Variants in PLS3 observed in about 807,000 individuals in gnomAD.
PLS3 encodes the protein plastin 3, also known as plastin-3.
In PLS3, 11 loss-of-function variants were observed where a neutral mutation model predicts 46.5. That is an observed-to-expected ratio of 0.24 (90% CI 0.15 to 0.39). PLS3 has a LOEUF of 0.39. Among genes scored for constraint, PLS3 ranks in the 10% least tolerant of loss-of-function variants. The pLI is 1.00. For synonymous variants in PLS3, 167 were observed against 162.2 expected (o/e 1.03, Z -0.22); for missense variants, 308 against 461.8 (o/e 0.67, Z 3.05).
At chrX:115,647,871 A>G (rs1556641975) in intron 14 of PLS3, 22 bp from the exon 15 acceptor site, 2 of 1,201,264 alleles carry the variant, frequency 1.7e-6, no homozygotes, top group Admixed American at 4.6e-5. Flanking sequence ...AAATTCTCAG[A>G]TTTGTTCTCC....
intron 1 of PLS3, among the ~76,000 whole-genome samples, chrX:115,567,948 T>C (rs1189712944): frequency 8.9e-6 from 1 of 111,769 alleles, no homozygotes; most frequent in Non-Finnish European, 1.9e-5. Context: ...TGAATATTCA[T>C]ATTATTGTGT....
intron 5 of PLS3, among the ~76,000 whole-genome samples, chrX:115,632,819 C>T (rs150687092): frequency 0.016 from 1,725 of 109,959 alleles, 39 homozygotes; most frequent in African/African-American, 0.055. Flanking sequence ...ACCGCCATGA[C>T]CTCTTGGGCT....
At chrX:115,643,932 A>G (rs2074924737) in intron 10 of PLS3, among the ~76,000 whole-genome samples, 1 of 111,876 alleles carries the variant, frequency 8.9e-6, no homozygotes, top group South Asian at 3.7e-4. Flanking sequence ...AGATCGCGCT[A>G]TTGCACTCCA....
intron 6 of PLS3, 66 bp from the exon 7 acceptor site, chrX:115,634,815 G>A: frequency 2.0e-6 from 2 of 986,110 alleles, no homozygotes; most frequent in Non-Finnish European, 1.4e-6. Context: ...TTCAGTGAAG[G>A]GAGAAAGTAG....
intron 8 of PLS3, among the ~76,000 whole-genome samples, chrX:115,638,597 C>T (rs1403891131): frequency 8.9e-6 from 1 of 112,074 alleles, no homozygotes; most frequent in Non-Finnish European, 1.9e-5. Flanking sequence ...AATCAGCAAG[C>T]CAACCATAAA....
Position 115,634,890 on chromosome X carries a change from A to T in PLS3, c.592A>T (p.Asn198Tyr). The T allele has an allele frequency of 1.7e-6, 2 of 1,204,713 alleles. No individual in the cohort carries two copies. Among genetic ancestry groups the T allele is most frequent in the Non-Finnish European group, 2.2e-6 (2 of 892,609 alleles). The change falls in exon 7 of 16, where the codon AAC (asparagine) becomes TAC (tyrosine). Residue 198 changes from asparagine (N) to tyrosine (Y), a missense_variant. By Grantham distance (143) the Asn-to-Tyr change is moderately radical. Transcript: ENST00000355899. ...LTPFIIQENLNLALNSASAIG... is the reference protein window; with the variant it reads ...LTPFIIQENLYLALNSASAIG... ...TTTGGCTGTCTTGCAGGAAAACTTG[A>T]ACTTGGCACTGAACTCTGCTTCTGC... is the stretch of plus-strand genomic sequence containing the variant.
intron 1 of PLS3, among the ~76,000 whole-genome samples, chrX:115,574,488 A>C (rs1446246385): frequency 8.9e-6 from 1 of 112,213 alleles, no homozygotes; most frequent in Non-Finnish European, 1.9e-5. Context: ...TAGTGTTTTC[A>C]TTGTGAGAAC....
At chrX:115,573,382 C>T (rs2074228885) in intron 1 of PLS3, among the ~76,000 whole-genome samples, 1 of 112,116 alleles carries the variant, frequency 8.9e-6, no homozygotes, top group African/African-American at 3.2e-5. Context: ...ACACCAGTGT[C>T]TTGGAATAAA....
Position 115,611,480 on chromosome X carries a change from A to G in PLS3, c.73+1157A>G, listed in dbSNP as rs782523911. On this transcript the variant is annotated intron_variant, in intron 2 of 15. Transcript: ENST00000355899. ...TGGCTGCAAGAGTTTTTTTTTTTCA[A>G]AATGACTCTCATTCAGTCAAAATAG... Among the ~76,000 whole-genome samples the G allele has an allele frequency of 1.2e-4, 13 of 112,279 alleles. No individual in the cohort carries two copies. In the South Asian group the frequency reaches 1.8e-3, roughly 16 times the overall value.
intron 1 of PLS3, among the ~76,000 whole-genome samples, chrX:115,582,143 G>A (rs1368218879): frequency 5.4e-5 from 6 of 111,759 alleles, no homozygotes; most frequent in Admixed American, 9.6e-5. Flanking sequence ...TCATTCTCTC[G>A]AGCAGTGAAT....
At chrX:115,600,759 G>A (rs1286159396) in intron 1 of PLS3, among the ~76,000 whole-genome samples, 1 of 111,457 alleles carries the variant, frequency 9.0e-6, no homozygotes, top group Non-Finnish European at 1.9e-5. Flanking sequence ...AAATTTTGTG[G>A]CAAGATTCTA....
At chrX:115,616,248 T>C (rs912750438) in intron 2 of PLS3, among the ~76,000 whole-genome samples, 1 of 112,311 alleles carries the variant, frequency 8.9e-6, no homozygotes, top group East Asian at 2.8e-4. Flanking sequence ...CATAGTCTTA[T>C]GATTTCAAAA....
chrX:115,600,433 G>A (rs1243363328), intron 1 of PLS3, among the ~76,000 whole-genome samples: 1 of 111,175 alleles, frequency 9.0e-6, no homozygotes, highest in African/African-American at 3.3e-5. Context: ...AGCCTCAGTT[G>A]GTATATTTTG....
chrX:115,606,285 G>A (rs1401960715), intron 1 of PLS3, among the ~76,000 whole-genome samples: 1 of 97,214 alleles, frequency 1.0e-5, no homozygotes, highest in African/African-American at 3.8e-5. Context: ...TTACAGGCAC[G>A]CACCACCACT....
chrX:115,578,712 AAAGAT>A (rs1556631505), intron 1 of PLS3, among the ~76,000 whole-genome samples: 3 of 109,843 alleles, frequency 2.7e-5, no homozygotes, highest in African/African-American at 6.6e-5. Context: ...AAAAAAAAAA[AAAGAT>A]AAAGTGGGAA....
At chrX:115,574,438 T>A (rs2074235779) in intron 1 of PLS3, among the ~76,000 whole-genome samples, 1 of 112,240 alleles carries the variant, frequency 8.9e-6, no homozygotes, top group African/African-American at 3.2e-5. Context: ...CCTTTAGGTT[T>A]TAGTTGTTTT....
chrX:115,577,512 C>G (rs2074255785), intron 1 of PLS3, among the ~76,000 whole-genome samples: 1 of 110,266 alleles, frequency 9.1e-6, no homozygotes, highest in Non-Finnish European at 1.9e-5. Flanking sequence ...GAATCTTGCT[C>G]TGTTGCCCAG....
Position 115,581,760 on chromosome X carries a change from G to C in PLS3, c.-9+20500G>C, listed in dbSNP as rs987584035. ...TTATTCTTTAATAAAGTGTATAACT[G>C]TTGGTCTATAACATTATGAATGTGG... On this transcript the variant is annotated intron_variant, in intron 1 of 15. Transcript: ENST00000355899. 4.4e-5 allele frequency among the ~76,000 whole-genome samples: 5 copies of C among 112,402 alleles called. No homozygotes were observed. The East Asian group carries it at 1.4e-3, about 31-fold the overall frequency.
chrX:115,611,242 C>A (rs1490436224), intron 2 of PLS3, among the ~76,000 whole-genome samples: 3 of 112,887 alleles, frequency 2.7e-5, no homozygotes, highest in African/African-American at 9.6e-5. Context: ...TAGCAGTGTA[C>A]CTTGGGAAGA....
Sources: gnomAD v4.1 joint callset for allele counts (sites outside exome capture counted in the v4.1 genomes callset) on GRCh38, gnomAD v4.1.1 for gene constraint, MANE v1.5 for transcripts, NCBI Gene and HGNC (gene_info 2026-07-23, HGNC 2026-07-21) for gene names.